MAP4K5: variants seen among roughly 807,000 people sequenced by gnomAD.
The protein encoded by MAP4K5 is mitogen-activated protein kinase kinase kinase kinase 5.
A neutral mutation model predicts 135.6 loss-of-function variants in MAP4K5; 82 were observed. The ratio of observed to expected loss-of-function variants is 0.60; its 90% CI spans 0.51 to 0.73. The LOEUF (loss-of-function observed/expected upper bound fraction) is 0.73. MAP4K5 is among the 30% of genes least tolerant of loss of function. MAP4K5 has a pLI of 0.00. For missense variants in MAP4K5, 907 were observed against 1,010.9 expected (o/e 0.90, Z 1.39); for synonymous variants, 347 against 335.0 (o/e 1.04, Z -0.39).
intron 2 of MAP4K5, among the ~76,000 whole-genome samples, chr14:50,521,711 TCTGA>T (rs944261831): frequency 1.3e-5 from 2 of 152,222 alleles, no homozygotes; most frequent in Non-Finnish European, 2.9e-5. Flanking sequence ...CAAGGACAGA[TCTGA>T]CTATCAGCTG....
intron 3 of MAP4K5, 60 bp downstream of exon 3, chr14:50,504,740 G>A: frequency 9.1e-6 from 11 of 1,210,058 alleles, no homozygotes; most frequent in Non-Finnish European, 1.1e-5. Context: ...GGGAAGAAGG[G>A]AAACAAGGAA....
intron 2 of MAP4K5, among the ~76,000 whole-genome samples, chr14:50,507,813 A>G (rs957317284): frequency 6.6e-6 from 1 of 152,162 alleles, no homozygotes; most frequent in African/African-American, 2.4e-5. Flanking sequence ...GCTCAGAAGA[A>G]TGTATATTCT....
chr14:50,510,599 T>C (rs2037911307), intron 2 of MAP4K5, among the ~76,000 whole-genome samples: 1 of 152,248 alleles, frequency 6.6e-6, no homozygotes, highest in Non-Finnish European at 1.5e-5. Context: ...GCTATGAAAC[T>C]GACAATACAT....
rs1478470463 is a variant in MAP4K5, at chr14:50,428,767, A to T, written c.2234-13T>A. The T allele has an allele frequency of 7.5e-7, 1 of 1,334,396 alleles. No homozygotes were observed. The highest frequency in any genetic ancestry group is 2.8e-5 in the Admixed American group (1 of 35,110). 82.7% of individuals were successfully genotyped at this position (1,334,396 alleles called of 1,614,324 possible). A position where few individuals can be genotyped will look rare whatever the true frequency, so the allele number is the denominator to read the frequency against. On this transcript the variant is annotated splice_polypyrimidine_tract_variant and intron_variant, in intron 29 of 32. Transcript: ENST00000682126. ...ATTTTCACAAATTCTTAAAAAAAAA[A>T]AACAAGTCAAGACTGGACATGCAAA...
At chr14:50,540,357 T>C (rs1236818250) in intron 2 of MAP4K5, among the ~76,000 whole-genome samples, 2 of 152,182 alleles carry the variant, frequency 1.3e-5, no homozygotes, top group African/African-American at 4.8e-5. Flanking sequence ...CTGAAATCTC[T>C]GTAACAGAGA....
intron 2 of MAP4K5, among the ~76,000 whole-genome samples, chr14:50,515,298 C>T (rs1306303965): frequency 1.3e-5 from 2 of 152,132 alleles, no homozygotes; most frequent in Admixed American, 6.5e-5. Context: ...CTTCAATATC[C>T]GGAACTACTC....
rs1267184745 is a variant in MAP4K5, at chr14:50,418,673, A to AGAT, written c.*1343_*1345dup. The AGAT allele has an allele frequency of 6.6e-6, 1 of 152,570 alleles. No homozygotes were observed. The highest frequency in any genetic ancestry group is 2.4e-5 in the African/African-American group (1 of 41,454). The allele number at this position is 152,570 out of a possible 1,614,324, so 9.5% of individuals were successfully genotyped here. A position where few individuals can be genotyped will look rare whatever the true frequency, so the allele number is the denominator to read the frequency against. On this transcript the variant is annotated 3_prime_UTR_variant, in exon 33 of 33. Transcript: ENST00000682126. ...CCTTACTTCCTCATCTGAAAAATAG[A>AGAT]GATAATACTTATTTTACAGAATTGC...
rs187319956 is a variant in MAP4K5, at chr14:50,445,374, T to A, written c.1186-180A>T. On this transcript the variant is annotated intron_variant, in intron 17 of 32. Transcript: ENST00000682126. ...TATCAACTTGCCATGTGATTTTTAA[T>A]CAGCCTTAAAACTGATAAAATTTTT... Among the ~76,000 whole-genome samples, 442 of 152,260 alleles carry A rather than the reference T, an allele frequency of 2.9e-3. 1 individual carries two copies. The highest frequency in any genetic ancestry group is 4.9e-3 in the Non-Finnish European group (331 of 68,020).
At position 50,532,071 on chromosome 14, in the gene MAP4K5, C is replaced by T. The variant is rs375924879; in HGVS notation, c.-22G>A. On this transcript the variant is annotated 5_prime_UTR_variant, in exon 2 of 33. Transcript: ENST00000682126. ...CCATCTTCACTTAGGGCCCGGCCCC[C>T]GCCAGCTCACCCCGCGGCTCCCGGA... is the stretch of plus-strand genomic sequence containing the variant. The T allele has an allele frequency of 7.6e-5, 110 of 1,440,902 alleles. No individual in the cohort carries two copies. The African/African-American group carries it at 1.2e-3, about 15-fold the overall frequency. The allele number at this position is 1,440,902 out of a possible 1,614,324, so 89.3% of individuals were successfully genotyped here. A position where few individuals can be genotyped will look rare whatever the true frequency, so the allele number is the denominator to read the frequency against.
chr14:50,536,497 GA>G, upstream of MAP4K5, among the ~76,000 whole-genome samples: 1 of 151,572 alleles, frequency 6.6e-6, no homozygotes, highest in East Asian at 1.9e-4. Flanking sequence ...AAAGTTACCT[GA>G]AAATATGGAA....
At chr14:50,558,145 G>A (rs1376140738) in intron 1 of MAP4K5, among the ~76,000 whole-genome samples, 3 of 152,136 alleles carry the variant, frequency 2.0e-5, no homozygotes, top group Non-Finnish European at 2.9e-5. Context: ...TGGGCAGATC[G>A]CTTGAGCTCA....
chr14:50,512,950 C>T (rs2140054357), intron 2 of MAP4K5, among the ~76,000 whole-genome samples: 1 of 152,118 alleles, frequency 6.6e-6, no homozygotes, highest in Admixed American at 6.5e-5. Flanking sequence ...GGCAACTACA[C>T]AAAAAAGATC....
chr14:50,461,863 G>A (rs1221990779), intron 13 of MAP4K5, among the ~76,000 whole-genome samples: 2 of 151,384 alleles, frequency 1.3e-5, no homozygotes, highest in African/African-American at 2.4e-5. Flanking sequence ...AGGTTGCAGT[G>A]AGCCAAGATT....
intron 1 of MAP4K5, among the ~76,000 whole-genome samples, chr14:50,555,085 G>A (rs985103812): frequency 6.6e-6 from 1 of 152,168 alleles, no homozygotes; most frequent in Non-Finnish European, 1.5e-5. Context: ...GAGATGATGT[G>A]TGCACTTTCT....
At position 50,522,018 on chromosome 14, in the gene MAP4K5, T is replaced by C. The variant is rs1356890544; in HGVS notation, c.108+9924A>G. Among the ~76,000 whole-genome samples, 5 of 152,210 alleles carry C rather than the reference T, an allele frequency of 3.3e-5. No individual in the cohort carries two copies. The East Asian group carries it at 9.6e-4, about 29-fold the overall frequency. ...TGCTTGTTAATAGAGTTCATGTTTT[T>C]CTTTCTGTGTTCTTGGTCTGAAACC... On this transcript the variant is annotated intron_variant, in intron 2 of 32. Transcript: ENST00000682126.
intron 2 of MAP4K5, among the ~76,000 whole-genome samples, chr14:50,518,358 T>G (rs922467382): frequency 6.6e-6 from 1 of 152,168 alleles, no homozygotes; most frequent in African/African-American, 2.4e-5. Context: ...GGTGGTTTGC[T>G]GCACCTATCG....
intron 28 of MAP4K5, among the ~76,000 whole-genome samples, chr14:50,432,250 G>A (rs1454864429): frequency 6.6e-6 from 1 of 152,150 alleles, no homozygotes; most frequent in Non-Finnish European, 1.5e-5. Flanking sequence ...TAGCCTGTTT[G>A]TTCAACAATG....
At chr14:50,538,513 G>A (rs1487345371) in intron 2 of MAP4K5, among the ~76,000 whole-genome samples, 1 of 152,170 alleles carries the variant, frequency 6.6e-6, no homozygotes, top group Admixed American at 6.5e-5. Context: ...GCTAAGAAAA[G>A]ATAGCAGATT....
At position 50,458,369 on chromosome 14, in the gene MAP4K5, C is replaced by A. The variant is rs561677012; in HGVS notation, c.937-1775G>T. Among the ~76,000 whole-genome samples the A allele has an allele frequency of 2.6e-5, 4 of 152,156 alleles. 1 individual carries two copies. Among genetic ancestry groups the A allele is most frequent in the African/African-American group, 7.2e-5 (3 of 41,524 alleles). Reference sequence around the variant, plus strand: ...ATACTGTTCAAGCAATGCCCCCCACCACACACACAAAAAAATCCTTCTCCA... The same window carrying A: ...ATACTGTTCAAGCAATGCCCCCCACAACACACACAAAAAAATCCTTCTCCA... On this transcript the variant is annotated intron_variant, in intron 13 of 32. Coordinates refer to ENST00000682126, the MANE Select transcript of MAP4K5 (RefSeq NM_006575.6).
Sources: allele counts gnomAD v4.1 joint callset (sites outside exome capture counted in the v4.1 genomes callset), GRCh38; gene constraint gnomAD v4.1.1; transcripts MANE v1.5; gene names NCBI Gene and HGNC (gene_info 2026-07-23, HGNC 2026-07-21).